The following ATAD2B variants were observed in gnomAD, a reference collection of about 807,000 sequenced individuals.
ATAD2B encodes ATPase family AAA domain-containing protein 2B.
A neutral mutation model predicts 167.6 loss-of-function variants in ATAD2B; 40 were observed. That is an observed-to-expected ratio of 0.24 (90% CI 0.19 to 0.31). The LOEUF (loss-of-function observed/expected upper bound fraction) is 0.31. ATAD2B is among the 10% of genes least tolerant of loss of function. The pLI, the probability that ATAD2B is intolerant of heterozygous loss-of-function variation, is 1.00. For synonymous variants in ATAD2B, 579 were observed against 596.5 expected (o/e 0.97, Z 0.43); for missense variants, 1,242 against 1,757.2 (o/e 0.71, Z 5.24).
At chr2:23,893,921 C>T (rs1206657745) in intron 2 of ATAD2B, among the ~76,000 whole-genome samples, 2 of 151,928 alleles carry the variant, frequency 1.3e-5, no homozygotes, top group African/African-American at 2.4e-5. Flanking sequence ...GCCTTGGCCT[C>T]CCAAAGTTCT....
chr2:23,679,625 T>G, the ATAD2B span, among the ~76,000 whole-genome samples: 1 of 152,188 alleles, frequency 6.6e-6, no homozygotes, highest in South Asian at 2.1e-4. Flanking sequence ...TATATATATG[T>G]ATGCCAGGCC....
intron 1 of ATAD2B, among the ~76,000 whole-genome samples, chr2:23,921,611 T>C (rs932139424): frequency 6.6e-6 from 1 of 152,212 alleles, no homozygotes; most frequent in Non-Finnish European, 1.5e-5. Flanking sequence ...GTTTCATCCA[T>C]GACCTAAACA....
At chr2:23,766,769 C>A (rs1677472750) in intron 22 of ATAD2B, among the ~76,000 whole-genome samples, 1 of 152,110 alleles carries the variant, frequency 6.6e-6, no homozygotes. Flanking sequence ...AAGCAAAACA[C>A]CCTGAAAAAC....
the ATAD2B span, among the ~76,000 whole-genome samples, chr2:23,728,301 A>C: frequency 1.3e-5 from 2 of 152,196 alleles, no homozygotes; most frequent in African/African-American, 4.8e-5. Context: ...TTGTATAAAC[A>C]AAGAGGGGAA....
chr2:23,793,703 G>C (rs1227642924), intron 19 of ATAD2B, among the ~76,000 whole-genome samples: 2 of 152,102 alleles, frequency 1.3e-5, no homozygotes, highest in Non-Finnish European at 2.9e-5. Context: ...TTTTCATGCA[G>C]CAAACTTTTA....
chr2:23,807,957 A>G lies in ATAD2B; in HGVS notation c.2454+2359T>C, dbSNP rs1247557293. Among the ~76,000 whole-genome samples the G allele has an allele frequency of 2.4e-4, 29 of 119,892 alleles. No homozygotes were observed. The Admixed American group carries it at 2.8e-3, about 12-fold the overall frequency. The allele number at this position is 119,892 out of a possible 152,430, so 78.7% of individuals were successfully genotyped here. The stretch of plus-strand genomic sequence containing the variant: ...AATATATATAAATATATAAATATTT[A>G]TAATATATATATTATAAATATATTT... On this transcript the variant is annotated intron_variant, in intron 18 of 27. Transcript: ENST00000238789.
the ATAD2B span, chr2:23,696,267 T>G: frequency 6.7e-7 from 1 of 1,499,680 alleles, no homozygotes; most frequent in Non-Finnish European, 9.1e-7. This position sits in a 1 kb window ranked among gnomAD's most constrained non-coding sequence, Gnocchi z 5.5. Context: ...CCCCTGGGGC[T>G]GGGCCTGCTG....
rs1035888248 is a variant in ATAD2B, at chr2:23,881,422, G to A, written c.785-667C>T. Among the ~76,000 whole-genome samples the A allele has an allele frequency of 4.2e-5, 6 of 142,834 alleles. No homozygotes were observed. In the East Asian group the frequency reaches 6.1e-4, roughly 15 times the overall value. 93.7% of individuals were successfully genotyped at this position (142,834 alleles called of 152,430 possible). A position where few individuals can be genotyped will look rare whatever the true frequency, so the allele number is the denominator to read the frequency against. On this transcript the variant is annotated intron_variant, in intron 6 of 27. Transcript: ENST00000238789. ...TGTCGCCAGGCTGGAGTACAGTGGC[G>A]TGATCTGGGCTTCACTGCAACCTCT... is the stretch of plus-strand genomic sequence containing the variant.
intron 13 of ATAD2B, among the ~76,000 whole-genome samples, chr2:23,842,731 C>G (rs1691124444): frequency 6.6e-6 from 1 of 152,176 alleles, no homozygotes; most frequent in Non-Finnish European, 1.5e-5. Flanking sequence ...CAAACTCAGT[C>G]TACCCAGATC....
the ATAD2B span, among the ~76,000 whole-genome samples, chr2:23,730,660 C>T: frequency 1.1e-5 from 1 of 88,920 alleles, no homozygotes; most frequent in Non-Finnish European, 2.1e-5. Flanking sequence ...AGCAAGACTC[C>T]GTTTCAAAAA....
At chr2:23,822,612 A>G (rs1042159146) in intron 16 of ATAD2B, among the ~76,000 whole-genome samples, 1 of 150,498 alleles carries the variant, frequency 6.6e-6, no homozygotes, top group Non-Finnish European at 1.5e-5. Flanking sequence ...GCTTACCTGC[A>G]AGCCTGTTAA....
chr2:23,800,428 CA>C (rs1683300305), intron 18 of ATAD2B, among the ~76,000 whole-genome samples: 1 of 152,118 alleles, frequency 6.6e-6, no homozygotes, highest in African/African-American at 2.4e-5. Context: ...TAGCCATTAA[CA>C]AGTATCAAAG....
chr2:23,871,955 G>A (rs1359922154), intron 8 of ATAD2B, among the ~76,000 whole-genome samples: 2 of 152,058 alleles, frequency 1.3e-5, no homozygotes, highest in African/African-American at 2.4e-5. Context: ...TCGACTCACT[G>A]CAACCACTGT....
At chr2:23,678,996 A>C in the ATAD2B span, among the ~76,000 whole-genome samples, 1 of 151,980 alleles carries the variant, frequency 6.6e-6, no homozygotes, top group African/African-American at 2.4e-5. Context: ...AACAGTGTGA[A>C]TATACTTAAC....
intron 7 of ATAD2B, among the ~76,000 whole-genome samples, chr2:23,880,071 AAGAG>A (rs1182050510): frequency 6.6e-6 from 1 of 151,574 alleles, no homozygotes; most frequent in African/African-American, 2.4e-5. Flanking sequence ...AAAAAAAAAA[AAGAG>A]AGAGAGAGAT....
At chr2:23,780,972 T>C (rs764428444) in intron 22 of ATAD2B, among the ~76,000 whole-genome samples, 1 of 152,056 alleles carries the variant, frequency 6.6e-6, no homozygotes, top group Non-Finnish European at 1.5e-5. Flanking sequence ...AAATGAATGT[T>C]TTAAAAATAA....
the ATAD2B span, among the ~76,000 whole-genome samples, chr2:23,730,037 A>G: frequency 9.2e-5 from 14 of 152,314 alleles, no homozygotes. Context: ...AACATGAGCA[A>G]TCAATGTGAT....
At chr2:23,856,663 C>G (rs1042138177) in intron 13 of ATAD2B, among the ~76,000 whole-genome samples, 3 of 152,012 alleles carry the variant, frequency 2.0e-5, no homozygotes, top group African/African-American at 7.3e-5. Flanking sequence ...GAGTTCAAGA[C>G]CAGCCTGGCC....
chr2:23,901,371 T>C (rs79476320), intron 1 of ATAD2B, among the ~76,000 whole-genome samples: 2 of 150,924 alleles, frequency 1.3e-5, no homozygotes, highest in African/African-American at 4.8e-5. Flanking sequence ...TTTTTTTTTT[T>C]CTTCATGAAA....
Sources: allele counts gnomAD v4.1 joint callset (sites outside exome capture counted in the v4.1 genomes callset), GRCh38; gene constraint gnomAD v4.1.1; non-coding constraint Gnocchi (gnomAD v3.1); transcripts MANE v1.5; gene names NCBI Gene and HGNC (gene_info 2026-07-23, HGNC 2026-07-21).